The following DCC variants were observed in gnomAD, a reference collection of about 807,000 sequenced individuals.
DCC encodes DCC netrin 1 receptor, also known as netrin receptor DCC.
A neutral mutation model predicts 172.5 loss-of-function variants in DCC; 58 were observed. The ratio of observed to expected loss-of-function variants is 0.34; its 90% CI spans 0.27 to 0.42. The LOEUF (loss-of-function observed/expected upper bound fraction) is 0.42. DCC is among the 10% of genes least tolerant of loss of function. DCC has a pLI of 1.00. For missense variants in DCC, 1,740 were observed against 1,791.0 expected, an observed-to-expected ratio of 0.97 and a Z score of 0.51; for synonymous variants, 709 against 644.5, an observed-to-expected ratio of 1.10 and a Z score of -1.52.
intron 1 of DCC, among the ~76,000 whole-genome samples, chr18:52,686,814 C>G (rs2035843940): frequency 6.6e-6 from 1 of 152,056 alleles, no homozygotes; most frequent in Non-Finnish European, 1.5e-5. Flanking sequence ...AGGAATCCTC[C>G]TCACTGAGAG....
intron 8 of DCC, among the ~76,000 whole-genome samples, chr18:53,160,142 C>G (rs1323788746): frequency 2.0e-5 from 3 of 152,112 alleles, no homozygotes; most frequent in Non-Finnish European, 2.9e-5. Context: ...CTTTCCTCTT[C>G]TCTTGAGCTT....
At chr18:52,783,646 A>G (rs1219412117) in intron 2 of DCC, among the ~76,000 whole-genome samples, 1 of 151,742 alleles carries the variant, frequency 6.6e-6, no homozygotes, top group Non-Finnish European at 1.5e-5. Context: ...ATCCCTCTAA[A>G]TACAGGCTTA....
At chr18:53,233,274 TCCTC>T (rs2056150262) in intron 12 of DCC, among the ~76,000 whole-genome samples, 1 of 152,192 alleles carries the variant, frequency 6.6e-6, no homozygotes, top group Non-Finnish European at 1.5e-5. Flanking sequence ...ACCTGTAGTG[TCCTC>T]CCTATTTCTT....
intron 1 of DCC, among the ~76,000 whole-genome samples, chr18:52,590,183 A>G (rs2033769143): frequency 2.2e-5 from 3 of 137,942 alleles, no homozygotes; most frequent in Non-Finnish European, 3.2e-5. Context: ...GTGTGTGTGT[A>G]TGCAATTATT....
At chr18:53,003,187 G>A (rs2041593067) in intron 5 of DCC, among the ~76,000 whole-genome samples, 1 of 151,564 alleles carries the variant, frequency 6.6e-6, no homozygotes, top group African/African-American at 2.4e-5. Flanking sequence ...CATTTCCTCA[G>A]CAACTTGGCT....
intron 7 of DCC, among the ~76,000 whole-genome samples, chr18:53,076,391 C>G (rs1283701423): frequency 1.3e-5 from 2 of 152,044 alleles, no homozygotes; most frequent in Non-Finnish European, 2.9e-5. Flanking sequence ...GGCCATTGAT[C>G]TAGACATATA....
chr18:53,524,735 C>CA (rs1420626037), intron 27 of DCC, among the ~76,000 whole-genome samples: 1 of 151,874 alleles, frequency 6.6e-6, no homozygotes, highest in African/African-American at 2.4e-5. Context: ...GTTGCTTCCT[C>CA]AAAAAACCCA....
chr18:52,773,377 C>T (rs1372568079), intron 2 of DCC, among the ~76,000 whole-genome samples: 1 of 152,132 alleles, frequency 6.6e-6, no homozygotes, highest in Non-Finnish European at 1.5e-5. Context: ...ATATCCTTAA[C>T]TATGAGTTCT....
chr18:52,384,978 C>T (rs1006604813), intron 1 of DCC, among the ~76,000 whole-genome samples: 1 of 152,000 alleles, frequency 6.6e-6, no homozygotes, highest in East Asian at 1.9e-4. Flanking sequence ...ATAATTAGTT[C>T]GTGGAATAGC....
intron 9 of DCC, among the ~76,000 whole-genome samples, chr18:53,179,659 GT>G (rs1555725776): frequency 1.3e-5 from 2 of 150,850 alleles, no homozygotes; most frequent in African/African-American, 2.4e-5. Context: ...ATTCAGCTAT[GT>G]TTTTTTTTCA....
intron 2 of DCC, among the ~76,000 whole-genome samples, chr18:52,770,506 G>A (rs1261176026): frequency 6.6e-6 from 1 of 152,168 alleles, no homozygotes; most frequent in Non-Finnish European, 1.5e-5. Context: ...TCACTAGAGT[G>A]AAGGCTTCCT....
Position 53,023,401 on chromosome 18 carries a change from C to CAAAAAAAAAAAAAAAAAA in DCC, c.986-39893_986-39876dup, listed in dbSNP as rs869070422. 2.9e-4 allele frequency among the ~76,000 whole-genome samples: 7 copies of CAAAAAAAAAAAAAAAAAA among 24,424 alleles called. 1 individual carries two copies. Among genetic ancestry groups the CAAAAAAAAAAAAAAAAAA allele is most frequent in the African/African-American group, 9.6e-4 (5 of 5,196 alleles). The allele number at this position is 24,424 out of a possible 152,430, so 16.0% of individuals were successfully genotyped here. A position where few individuals can be genotyped will look rare whatever the true frequency, so the allele number is the denominator to read the frequency against. Reference sequence around the variant, plus strand: ...GGACAAACACATATATAACTCAGACCAAAAAAAAAAAAAAAAAAAAAAAAA... The same window carrying CAAAAAAAAAAAAAAAAAA: ...GGACAAACACATATATAACTCAGACCAAAAAAAAAAAAAAAAAAAAAAAAAAAAAAAAAAAAAAAAAAA... On this transcript the variant is annotated intron_variant, in intron 5 of 28. Transcript: ENST00000442544.
intron 5 of DCC, among the ~76,000 whole-genome samples, chr18:53,046,908 G>A (rs1219678074): frequency 6.6e-6 from 1 of 151,696 alleles, no homozygotes; most frequent in African/African-American, 2.4e-5. Flanking sequence ...CTGGGAGTCA[G>A]AGCTCCTGTC....
chr18:53,252,943 C>T (rs1329874649), intron 12 of DCC, among the ~76,000 whole-genome samples: 1 of 151,996 alleles, frequency 6.6e-6, no homozygotes, highest in Non-Finnish European at 1.5e-5. Flanking sequence ...AGAATTATAA[C>T]ATGCTTCTCC....
chr18:53,435,233 T>C (rs1911862139), intron 22 of DCC, 24 bp downstream of exon 22: 2 of 1,415,084 alleles, frequency 1.4e-6, no homozygotes, highest in South Asian at 1.2e-5. Flanking sequence ...TTAGGTAATA[T>C]TGAATTAGTT....
intron 25 of DCC, among the ~76,000 whole-genome samples, chr18:53,480,192 T>G (rs1366153691): frequency 6.6e-6 from 1 of 152,188 alleles, no homozygotes; most frequent in Non-Finnish European, 1.5e-5. Flanking sequence ...AAGGTCCAGA[T>G]AGAAGGAGTA....
Position 53,205,308 on chromosome 18 carries a change from G to A in DCC, c.1666G>A (p.Gly556Ser), listed in dbSNP as rs771834549. The change falls in exon 10 of 29, where the codon GGT becomes AGT. Residue 556 changes from glycine (G) to serine (S), a missense_variant. Physicochemically the swap from Gly to Ser is moderately conservative, Grantham distance 56. Around this residue, in one of 2 missense-constraint regions of DCC, gnomAD observed 1,732 missense variants for 1,767.4 expected, o/e 0.98. Transcript: ENST00000442544. ...ITWEPPAYAN[G>S]PVQGYRLFCT... ...CTGGGAACCCCCTGCCTATGCAAAC[G>A]GTCCAGTCCAAGGTTACAGATTGTT... The A allele has an allele frequency of 6.2e-6, 10 of 1,613,832 alleles. No homozygotes were observed. The highest frequency in any genetic ancestry group is 3.3e-4 in the Middle Eastern group (2 of 6,062).
chr18:52,585,809 C>T (rs1326167516), intron 1 of DCC, among the ~76,000 whole-genome samples: 5 of 152,136 alleles, frequency 3.3e-5, no homozygotes, highest in Non-Finnish European at 5.9e-5. Context: ...GTCGGCCGGG[C>T]GCGGTGGCTC....
chr18:52,764,426 AT>A (rs2037211911), intron 2 of DCC, among the ~76,000 whole-genome samples: 1 of 152,200 alleles, frequency 6.6e-6, no homozygotes, highest in African/African-American at 2.4e-5. Flanking sequence ...GTGGGGCCTA[AT>A]GGGAGGTGTT....
Sources: gnomAD v4.1 joint callset for allele counts (sites outside exome capture counted in the v4.1 genomes callset) on GRCh38, gnomAD v4.1.1 for gene constraint, gnomAD v4.1.1 regional missense constraint, MANE v1.5 for transcripts, NCBI Gene and HGNC (gene_info 2026-07-23, HGNC 2026-07-21) for gene names.